Variants in ANK3 observed in about 807,000 individuals in gnomAD.
The protein encoded by ANK3 is ankyrin-3.
In ANK3, 57 loss-of-function variants were observed where a neutral mutation model predicts 370.9. The ratio of observed to expected loss-of-function variants is 0.15; its 90% CI spans 0.12 to 0.19. The LOEUF (loss-of-function observed/expected upper bound fraction) is 0.19, where lower values mean the gene tolerates loss of function less well. Ranked by LOEUF, ANK3 falls within the 10% of genes least tolerant of loss-of-function variation. The pLI, the probability that ANK3 is intolerant of heterozygous loss-of-function variation, is 1.00. For missense variants in ANK3, 4,439 were observed against 5,302.1 expected, an observed-to-expected ratio of 0.84 and a Z score of 5.06; for synonymous variants, 1,929 against 1,946.3, an observed-to-expected ratio of 0.99 and a Z score of 0.23.
intron 14 of ANK3, 28 bp from the exon 15 acceptor site, chr10:60,196,653 GA>G: frequency 7.1e-7 from 1 of 1,409,130 alleles, no homozygotes; most frequent in South Asian, 1.2e-5. Flanking sequence ...TAAAAATAAT[GA>G]ACAATAGAAA....
rs1821964960 is a variant in ANK3, at chr10:60,613,964, C to T, written c.96+1222G>A. Among the ~76,000 whole-genome samples, 6 of 152,180 alleles carry T rather than the reference C, an allele frequency of 3.9e-5. No homozygotes were observed. In the South Asian group the frequency reaches 1.2e-3, roughly 32 times the overall value. On this transcript the variant is annotated intron_variant, in intron 2 of 43. Transcript: ENST00000373827. ...TGGTGTGTGCCTATATTTCCAGCTACTTGGGAGACTGAGGCAGGAGAATTG... is the reference window on the plus strand; with the variant it reads ...TGGTGTGTGCCTATATTTCCAGCTATTTGGGAGACTGAGGCAGGAGAATTG...
rs1382544046 is a variant in ANK3, at chr10:60,073,350, T to G, written c.7531A>C (p.Lys2511Gln). 3.1e-6 allele frequency: 5 copies of G among 1,613,878 alleles called. 1 individual carries two copies. The South Asian group carries it at 3.3e-5, about 11-fold the overall frequency. ...RSREKIATAP[K>Q]KEILSKIYKD... ...TAGATTTTGGAGAGAATTTCTTTTT[T>G]GGGGGCAGTGGCTATTTTTTCTCTG... The change falls in exon 37 of 44, where the codon AAA becomes CAA. Residue 2511 changes from lysine to glutamine, a missense_variant. By Grantham distance (53) the Lys-to-Gln change is moderately conservative (BLOSUM62 1). This residue lies in a region of ANK3 where 1,601 missense variants were observed against 1,731.7 expected (regional missense o/e 0.92). Transcript: ENST00000280772.
chr10:60,393,740 G>T (rs1203026306), upstream of ANK3, among the ~76,000 whole-genome samples: 1 of 152,074 alleles, frequency 6.6e-6, no homozygotes, highest in Non-Finnish European at 1.5e-5. Flanking sequence ...ATTTCATGTT[G>T]TGTGTCTACC....
chr10:60,141,559 C>CTTTTTTT (rs2094555559), intron 23 of ANK3, among the ~76,000 whole-genome samples: 2 of 61,160 alleles, frequency 3.3e-5, no homozygotes, highest in African/African-American at 1.6e-4. Flanking sequence ...ATTTCAATTG[C>CTTTTTTT]TGTTTTTTTT....
chr10:60,240,105 A>T (rs9663487), intron 7 of ANK3, among the ~76,000 whole-genome samples: 139,440 of 141,740 alleles, frequency 0.98, 68,622 homozygotes, highest in Middle Eastern at 1. Context: ...CACACACATA[A>T]ATACATATAT....
At chr10:60,179,074 T>G (rs976604909) in intron 18 of ANK3, among the ~76,000 whole-genome samples, 1 of 152,218 alleles carries the variant, frequency 6.6e-6, no homozygotes, top group Non-Finnish European at 1.5e-5. Flanking sequence ...GCCAATGAGT[T>G]GAATGGTATA....
At chr10:60,620,680 C>G (rs1394169662) in intron 1 of ANK3, among the ~76,000 whole-genome samples, 1 of 152,110 alleles carries the variant, frequency 6.6e-6, no homozygotes, top group Admixed American at 6.6e-5. Flanking sequence ...TCTTGACAGC[C>G]CACTTAAGAA....
chr10:60,388,706 G>T (rs976618176), intron 1 of ANK3, among the ~76,000 whole-genome samples: 9 of 152,254 alleles, frequency 5.9e-5, no homozygotes, highest in African/African-American at 1.7e-4. Flanking sequence ...CAATGCCCAT[G>T]CTTTGATCTA....
At chr10:60,511,934 G>A (rs2076094123) in intron 2 of ANK3, among the ~76,000 whole-genome samples, 1 of 151,948 alleles carries the variant, frequency 6.6e-6, no homozygotes, top group Non-Finnish European at 1.5e-5. Flanking sequence ...TGTAAACATT[G>A]AGTCAAGATT....
Position 60,071,211 on chromosome 10 carries a change from C to T in ANK3, c.9670G>A (p.Glu3224Lys). The T allele has an allele frequency of 6.2e-7, 1 of 1,614,158 alleles. No homozygotes were observed. The change falls in exon 37 of 44, where the codon GAG (glutamate) becomes AAG (lysine). Residue 3224 changes from glutamate to lysine, a missense_variant. By Grantham distance (56) the Glu-to-Lys change is moderately conservative. Transcript: ENST00000280772. ...ATTTCACGCTCAACTGCTGTTTCCTCCACTGTAGTCTGCTTAAGGGAGGTT... is the reference window on the plus strand; with the variant it reads ...ATTTCACGCTCAACTGCTGTTTCCTTCACTGTAGTCTGCTTAAGGGAGGTT... ...KSTSLKQTTVEETAVEREMPN... is the reference protein window; with the variant it reads ...KSTSLKQTTVKETAVEREMPN...
chr10:60,074,291 G>A lies in ANK3; in HGVS notation c.6590C>T (p.Ser2197Leu). 1.2e-6 allele frequency: 2 copies of A among 1,614,114 alleles called. No homozygotes were observed. Among genetic ancestry groups the A allele is most frequent in the Non-Finnish European group, 1.7e-6 (2 of 1,180,010 alleles). ...TGGTTCCAATTCCATAAAAGTAGGT[G>A]AAGGTTTAGGTGACACAGGCTCCTC... ...QPEEPVSPKP[S>L]PTFMELEPKP... is the part of the protein sequence containing the mutation. The change falls in exon 37 of 44, where the codon TCA (serine) becomes TTA (leucine). Residue 2197 changes from serine (S) to leucine (L), a missense_variant. Ser to Leu is a moderately radical substitution (Grantham distance 145). This residue lies in a region of ANK3 where 1,601 missense variants were observed against 1,731.7 expected (regional missense o/e 0.92). Coordinates refer to ENST00000280772, the MANE Select transcript of ANK3 (RefSeq NM_020987.5).
chr10:60,260,075 G>C (rs537546339), intron 7 of ANK3, among the ~76,000 whole-genome samples: 1 of 152,286 alleles, frequency 6.6e-6, no homozygotes, highest in East Asian at 1.9e-4. Flanking sequence ...TTTTCTATTA[G>C]TACAATCTCA....
At chr10:60,514,140 AC>A (rs2076156900) in intron 2 of ANK3, among the ~76,000 whole-genome samples, 1 of 152,108 alleles carries the variant, frequency 6.6e-6, no homozygotes, top group African/African-American at 2.4e-5. Flanking sequence ...AGTATATAAA[AC>A]ATATGCAAAA....
intron 2 of ANK3, among the ~76,000 whole-genome samples, chr10:60,415,151 G>A (rs1441506045): frequency 6.6e-6 from 1 of 152,130 alleles, no homozygotes; most frequent in African/African-American, 2.4e-5. Flanking sequence ...AAGGCCAGAG[G>A]GCACAGGTGT....
rs1464396090 is a variant in ANK3 at position 60,468,995 on chromosome 10, G to GTATATATATATATATATATATA, written c.96+146190_96+146191insTATATATATATATATATATATA. On this transcript the variant is annotated intron_variant, in intron 2 of 43. Transcript: ENST00000373827. ...CCACTATATATATACCACTTTTAGT[G>GTATATATATATATATATATATA]TGTATATATATATATATATATATAC... Among the ~76,000 whole-genome samples, 24 of 34,560 alleles carry GTATATATATATATATATATATA rather than the reference G, an allele frequency of 6.9e-4. 7 individuals are homozygous for GTATATATATATATATATATATA. Among genetic ancestry groups the GTATATATATATATATATATATA allele is most frequent in the Non-Finnish European group, 1.3e-3 (20 of 15,278 alleles). 22.7% of individuals were successfully genotyped at this position (34,560 alleles called of 152,430 possible).
intron 2 of ANK3, among the ~76,000 whole-genome samples, chr10:60,498,636 CCA>C: frequency 6.6e-6 from 1 of 152,186 alleles, no homozygotes; most frequent in East Asian, 1.9e-4. Context: ...AGTGATCCTC[CCA>C]TCTTGGCCTC....
At chr10:60,095,364 T>A (rs1214351250) in intron 28 of ANK3, among the ~76,000 whole-genome samples, 1 of 152,176 alleles carries the variant, frequency 6.6e-6, no homozygotes, top group African/African-American at 2.4e-5. Context: ...AGAGACTGGT[T>A]ATTGTTTGTT....
chr10:60,371,847 C>A (rs547875951), intron 1 of ANK3, among the ~76,000 whole-genome samples: 2 of 151,998 alleles, frequency 1.3e-5, no homozygotes, highest in South Asian at 4.2e-4. Flanking sequence ...AAAACTTCTC[C>A]GATGAAGAAG....
intron 25 of ANK3, among the ~76,000 whole-genome samples, chr10:60,127,629 A>T (rs1331459776): frequency 6.6e-6 from 1 of 151,934 alleles, no homozygotes; most frequent in Non-Finnish European, 1.5e-5. Context: ...TCTACCTTTT[A>T]TCTGTCTGAA....
Sources: gnomAD v4.1 joint callset for allele counts (sites outside exome capture counted in the v4.1 genomes callset) on GRCh38, gnomAD v4.1.1 for gene constraint, gnomAD v4.1.1 regional missense constraint, MANE v1.5 for transcripts, NCBI Gene and HGNC (gene_info 2026-07-23, HGNC 2026-07-21) for gene names.